SGPP2: variants seen among roughly 807,000 people sequenced by gnomAD.
SGPP2 encodes the protein sphingosine-1-phosphate phosphatase 2.
In SGPP2, 30 loss-of-function variants were observed where a neutral mutation model predicts 33.9. The ratio of observed to expected loss-of-function variants is 0.89; its 90% confidence interval spans 0.66 to 1.20. The LOEUF is 1.20. Among genes scored for constraint, SGPP2 ranks in the 50% most tolerant of loss-of-function variants. SGPP2 has a pLI of 0.00. For missense variants in SGPP2, 458 were observed against 532.1 expected (o/e 0.86, Z 1.37); for synonymous variants, 233 against 225.0 (o/e 1.04, Z -0.32).
intron 3 of SGPP2, among the ~76,000 whole-genome samples, chr2:222,524,478 G>C (rs962680720): frequency 2.6e-5 from 4 of 152,200 alleles, no homozygotes; most frequent in Admixed American, 2.0e-4. Context: ...TGCCGATTCT[G>C]ACTTTAGGCC....
rs764712349 is a variant in SGPP2, at chr2:222,474,605, A to G, written c.257A>G (p.Tyr86Cys). ...AAGTACGTCGTGAAGAATTATTTCTACTATTACCTATTCCAATTTTCAGCT... is the reference window on the plus strand; with the variant it reads ...AAGTACGTCGTGAAGAATTATTTCTGCTATTACCTATTCCAATTTTCAGCT... ...VQKYVVKNYF[Y>C]YYLFQFSAAL... The change falls in exon 2 of 5, where the codon TAC becomes TGC. Residue 86 changes from tyrosine to cysteine, a missense_variant. By Grantham distance (194) the Tyr-to-Cys change is radical. Transcript: ENST00000321276. 1 of 1,614,066 alleles carries G rather than the reference A, an allele frequency of 6.2e-7. No individual in the cohort carries two copies. The highest frequency in any genetic ancestry group is 8.5e-7 in the Non-Finnish European group (1 of 1,179,982).
intron 4 of SGPP2, among the ~76,000 whole-genome samples, chr2:222,529,792 G>A (rs1009916192): frequency 6.6e-6 from 1 of 152,132 alleles, no homozygotes; most frequent in Non-Finnish European, 1.5e-5. Context: ...GTTCTTAATG[G>A]CATCTAGAAT....
At chr2:222,496,999 A>G (rs1042399830) in intron 2 of SGPP2, among the ~76,000 whole-genome samples, 2 of 152,212 alleles carry the variant, frequency 1.3e-5, no homozygotes, top group Non-Finnish European at 2.9e-5. Context: ...TGATAAAGAT[A>G]TATGGAGAAC....
At chr2:222,524,618 A>G (rs1966690) in intron 3 of SGPP2, among the ~76,000 whole-genome samples, 67,217 of 152,072 alleles carry the variant, frequency 0.44, 17,494 homozygotes, top group East Asian at 0.81. Flanking sequence ...AAGAATAGGT[A>G]GAAATCAAAG....
At chr2:222,452,714 GTTGCTC>G in intron 1 of SGPP2, 1 of 1,383,532 alleles carries the variant, frequency 7.2e-7, no homozygotes, top group Non-Finnish European at 1.0e-6. Context: ...TCCAGGTCTG[GTTGCTC>G]CACATTGGAA....
At chr2:222,478,171 C>A (rs766635851) in intron 2 of SGPP2, among the ~76,000 whole-genome samples, 4 of 75,968 alleles carry the variant, frequency 5.3e-5, no homozygotes, top group Non-Finnish European at 7.6e-5. Flanking sequence ...TTCCAAGGGG[C>A]GAGAGGGAGA....
chr2:222,471,704 G>A (rs1417052367), intron 1 of SGPP2, among the ~76,000 whole-genome samples: 1 of 151,862 alleles, frequency 6.6e-6, no homozygotes, highest in Non-Finnish European at 1.5e-5. Flanking sequence ...TTTGTGTAGA[G>A]CAAAACAAAA....
chr2:222,437,868 T>C (rs1697268297), intron 1 of SGPP2, among the ~76,000 whole-genome samples: 1 of 152,168 alleles, frequency 6.6e-6, no homozygotes, highest in Non-Finnish European at 1.5e-5. Context: ...TCCTGGAGAC[T>C]CCCACTGTGA....
At chr2:222,429,109 C>T (rs973852997) in intron 1 of SGPP2, among the ~76,000 whole-genome samples, 5 of 152,176 alleles carry the variant, frequency 3.3e-5, no homozygotes, top group South Asian at 2.1e-4. Context: ...CTGGGATTAC[C>T]GCACCCGGCC....
intron 4 of SGPP2, 148 bp from the exon 5 acceptor site, chr2:222,558,199 T>G (rs1198937661): frequency 1.2e-5 from 11 of 898,408 alleles, no homozygotes; most frequent in African/African-American, 3.4e-5. Flanking sequence ...GTTTTAGAAC[T>G]TTACACTTTC....
At chr2:222,511,008 C>A (rs1448397658) in intron 2 of SGPP2, among the ~76,000 whole-genome samples, 2 of 152,006 alleles carry the variant, frequency 1.3e-5, no homozygotes, top group African/African-American at 4.8e-5. Flanking sequence ...ATTTTGTTTT[C>A]AAAATTATTT....
intron 1 of SGPP2, among the ~76,000 whole-genome samples, chr2:222,445,088 C>T (rs1474126113): frequency 6.6e-6 from 1 of 152,178 alleles, no homozygotes; most frequent in Non-Finnish European, 1.5e-5. Context: ...AATAAGGCCA[C>T]TTCTGTGGAG....
intron 2 of SGPP2, among the ~76,000 whole-genome samples, chr2:222,518,098 A>G (rs1698633016): frequency 6.6e-6 from 1 of 152,206 alleles, no homozygotes; most frequent in Admixed American, 6.5e-5. Flanking sequence ...ACAGGATACA[A>G]CCTTCTGAGA....
intron 4 of SGPP2, among the ~76,000 whole-genome samples, chr2:222,528,817 A>G (rs1698797822): frequency 2.0e-5 from 3 of 152,226 alleles, no homozygotes; most frequent in South Asian, 2.1e-4. Flanking sequence ...GTGTCTCACT[A>G]TGTTGCCCAG....
chr2:222,525,643 T>C (rs1048672012), intron 4 of SGPP2, among the ~76,000 whole-genome samples: 1 of 152,230 alleles, frequency 6.6e-6, no homozygotes, highest in Non-Finnish European at 1.5e-5. Flanking sequence ...AGTTTCCCAA[T>C]GTGTCCACGG....
chr2:222,453,056 C>T lies in SGPP2; in HGVS notation c.220-21512C>T, dbSNP rs533351530. 1.1e-4 allele frequency: 160 copies of T among 1,417,720 alleles called. 2 individuals carry two copies. The highest frequency in any genetic ancestry group is 8.5e-4 in the South Asian group (74 of 87,158). The allele number at this position is 1,417,720 out of a possible 1,614,324, so 87.8% of individuals were successfully genotyped here. A position where few individuals can be genotyped will look rare whatever the true frequency, so the allele number is the denominator to read the frequency against. On this transcript the variant is annotated intron_variant, in intron 1 of 4. Coordinates refer to ENST00000321276, the MANE Select transcript of SGPP2 (RefSeq NM_152386.4). ...GGACCTTGTCTTCCTTCTTTTGTGG[C>T]GCTATTCTCTGCAGCAGTGGGTTGT... is the stretch of plus-strand genomic sequence containing the variant.
chr2:222,496,163 A>T (rs1698277451), intron 2 of SGPP2, among the ~76,000 whole-genome samples: 1 of 152,272 alleles, frequency 6.6e-6, no homozygotes, highest in Admixed American at 6.5e-5. Flanking sequence ...ATAAATAAAT[A>T]AAGCACAGAG....
chr2:222,451,929 A>G (rs1697496083), intron 1 of SGPP2, among the ~76,000 whole-genome samples: 1 of 152,116 alleles, frequency 6.6e-6, no homozygotes, highest in Non-Finnish European at 1.5e-5. Flanking sequence ...AATGCTTCTC[A>G]TGCATCGATG....
At chr2:222,427,263 T>C (rs1697084634) in intron 1 of SGPP2, among the ~76,000 whole-genome samples, 1 of 152,194 alleles carries the variant, frequency 6.6e-6, no homozygotes, top group South Asian at 2.1e-4. Context: ...ATTATAGTTT[T>C]AAACTTTTTT....
Sources: allele counts gnomAD v4.1 joint callset (sites outside exome capture counted in the v4.1 genomes callset), GRCh38; gene constraint gnomAD v4.1.1; transcripts MANE v1.5; gene names NCBI Gene and HGNC (gene_info 2026-07-23, HGNC 2026-07-21).